Variants in CACNB2 observed in about 807,000 individuals in gnomAD.
CACNB2 encodes voltage-dependent L-type calcium channel subunit beta-2.
CACNB2 carries 42 observed loss-of-function variants against 73.3 expected under a neutral mutation model. The observed-to-expected ratio is 0.57, with a 90% CI of 0.45 to 0.74. CACNB2 has a LOEUF of 0.74. CACNB2 is among the 30% of genes least tolerant of loss of function. CACNB2 has a pLI of 0.00. For synonymous variants in CACNB2, 348 were observed against 310.3 expected, an observed-to-expected ratio of 1.12 and a Z score of -1.28; for missense variants, 940 against 853.0, an observed-to-expected ratio of 1.10 and a Z score of -1.27.
At chr10:18,379,862 T>C (rs1008802985) in intron 2 of CACNB2, among the ~76,000 whole-genome samples, 1 of 152,126 alleles carries the variant, frequency 6.6e-6, no homozygotes, top group Non-Finnish European at 1.5e-5. Flanking sequence ...AATTTTTGTA[T>C]TTTCTGTGGA....
At chr10:18,175,590 G>A (rs1315972983) in intron 2 of CACNB2, among the ~76,000 whole-genome samples, 1 of 152,002 alleles carries the variant, frequency 6.6e-6, no homozygotes, top group Non-Finnish European at 1.5e-5. Context: ...CCGGCTTCTT[G>A]ATGAATTTTT....
chr10:18,182,911 A>G (rs973173759), intron 2 of CACNB2, among the ~76,000 whole-genome samples: 4 of 152,044 alleles, frequency 2.6e-5, no homozygotes, highest in African/African-American at 9.7e-5. Context: ...AAATCCTTTT[A>G]TCTCAATCTC....
At chr10:18,225,287 G>A (rs1009332704) in intron 2 of CACNB2, among the ~76,000 whole-genome samples, 1 of 152,082 alleles carries the variant, frequency 6.6e-6, no homozygotes, top group Non-Finnish European at 1.5e-5. Flanking sequence ...GGGCTAAGCA[G>A]CTTAAAAACC....
chr10:18,359,265 T>A (rs1040883440), intron 2 of CACNB2, among the ~76,000 whole-genome samples: 8 of 152,108 alleles, frequency 5.3e-5, no homozygotes, highest in African/African-American at 1.9e-4. Flanking sequence ...ATGTTTGTTT[T>A]GTTTTTTGTT....
At chr10:18,245,476 C>CG (rs2036826053) in intron 2 of CACNB2, among the ~76,000 whole-genome samples, 1 of 152,108 alleles carries the variant, frequency 6.6e-6, no homozygotes, top group Admixed American at 6.5e-5. Flanking sequence ...CATGCACCAT[C>CG]ATACCTGGCT....
At chr10:18,308,802 C>A (rs533106339) in intron 2 of CACNB2, among the ~76,000 whole-genome samples, 2 of 152,162 alleles carry the variant, frequency 1.3e-5, no homozygotes, top group Non-Finnish European at 2.9e-5. Context: ...CAAAATGAGC[C>A]AAGGGTATGA....
chr10:18,340,749 G>A (rs1448441368), intron 2 of CACNB2: 19 of 1,505,896 alleles, frequency 1.3e-5, no homozygotes, highest in African/African-American at 6.9e-5. Context: ...GTGATCCGAC[G>A]AACTTTAGAA....
intron 2 of CACNB2, among the ~76,000 whole-genome samples, chr10:18,265,142 C>T (rs1347924787): frequency 1.3e-5 from 2 of 148,968 alleles, no homozygotes; most frequent in Non-Finnish European, 3.0e-5. Context: ...GACCATTTGG[C>T]CATCTTCTTT....
intron 2 of CACNB2, among the ~76,000 whole-genome samples, chr10:18,285,052 G>C (rs2038727326): frequency 6.6e-6 from 1 of 152,196 alleles, no homozygotes; most frequent in Admixed American, 6.5e-5. Context: ...GCAGTCAGCA[G>C]TTCTGTGCTC....
At chr10:18,519,208 C>T (rs1462883748) in intron 9 of CACNB2, among the ~76,000 whole-genome samples, 2 of 152,164 alleles carry the variant, frequency 1.3e-5, no homozygotes, top group African/African-American at 4.8e-5. Context: ...GGCAGGACAC[C>T]ACTGGCCAGT....
intron 2 of CACNB2, among the ~76,000 whole-genome samples, chr10:18,173,354 T>C (rs2033378592): frequency 6.6e-6 from 1 of 152,224 alleles, no homozygotes; most frequent in South Asian, 2.1e-4. Flanking sequence ...ATAATTGCCT[T>C]TCCAAAGGCC....
At chr10:18,468,235 C>T (rs1039422809) in intron 3 of CACNB2, among the ~76,000 whole-genome samples, 1 of 151,970 alleles carries the variant, frequency 6.6e-6, no homozygotes, top group African/African-American at 2.4e-5. Context: ...TAAGGCAGGC[C>T]GATTTCTTGA....
chr10:18,187,318 G>A (rs572227069), intron 2 of CACNB2, among the ~76,000 whole-genome samples: 3 of 152,294 alleles, frequency 2.0e-5, no homozygotes, highest in African/African-American at 4.8e-5. Context: ...GTAAATGGTA[G>A]TAAGTGAGCA....
intron 2 of CACNB2, among the ~76,000 whole-genome samples, chr10:18,286,981 T>A (rs1307383750): frequency 6.6e-6 from 1 of 152,158 alleles, no homozygotes; most frequent in African/African-American, 2.4e-5. Context: ...AGATAGTCTA[T>A]GAATAAGTTA....
chr10:18,539,666 T>TATCA lies in CACNB2; in HGVS notation c.1927_1930dup (p.Lys644IlefsTer6), dbSNP rs780032305. 3 of 1,611,836 alleles carry TATCA rather than the reference T, an allele frequency of 1.9e-6. No individual in the cohort carries two copies. In the East Asian group the frequency reaches 6.7e-5, roughly 36 times the overall value. On this transcript the variant is annotated frameshift_variant, in exon 14 of 14. Coordinates refer to ENST00000324631, the MANE Select transcript of CACNB2 (RefSeq NM_201596.3). LOFTEE classifies it high-confidence loss of function. ...TACTGTGAAAAGGATGGAGAAGTGA[T>TATCA]ATCAAAAAAACGGAATGAGGCTGGG... is the stretch of plus-strand genomic sequence containing the variant.
chr10:18,301,898 T>C (rs372875919), intron 2 of CACNB2, among the ~76,000 whole-genome samples: 1 of 151,894 alleles, frequency 6.6e-6, no homozygotes, highest in Non-Finnish European at 1.5e-5. Context: ...CCTCCCACCT[T>C]GGCCCCCCAG....
At chr10:18,444,926 T>C (rs1442228335) in intron 3 of CACNB2, among the ~76,000 whole-genome samples, 3 of 152,240 alleles carry the variant, frequency 2.0e-5, no homozygotes, top group Non-Finnish European at 4.4e-5. Context: ...TTTGCAGTTG[T>C]ACTAAGTTTC....
intron 2 of CACNB2, among the ~76,000 whole-genome samples, chr10:18,242,789 C>G (rs1183551661): frequency 6.6e-6 from 1 of 150,672 alleles, no homozygotes; most frequent in African/African-American, 2.4e-5. Flanking sequence ...TTGAGACCAT[C>G]CTGGCTAACA....
chr10:18,307,901 C>T (rs577464664), intron 2 of CACNB2, among the ~76,000 whole-genome samples: 25 of 148,388 alleles, frequency 1.7e-4, no homozygotes, highest in African/African-American at 5.2e-4. Flanking sequence ...CATTTTTCTG[C>T]GAGTAGCATG....
Sources: gnomAD v4.1 joint callset for allele counts (sites outside exome capture counted in the v4.1 genomes callset) on GRCh38, gnomAD v4.1.1 for gene constraint, MANE v1.5 for transcripts, NCBI Gene and HGNC (gene_info 2026-07-23, HGNC 2026-07-21) for gene names.